Variants in PZP observed in about 807,000 individuals in gnomAD.
The protein encoded by PZP is PZP alpha-2-macroglobulin like, also known as pregnancy zone protein.
In PZP, 150 loss-of-function variants were observed where a neutral mutation model predicts 179.8. That is an observed-to-expected ratio of 0.83 (90% confidence interval 0.73 to 0.96). The LOEUF (loss-of-function observed/expected upper bound fraction) is 0.96, where lower values mean the gene tolerates loss of function less well. Among genes scored for constraint, PZP ranks in the 40% least tolerant of loss-of-function variants. The pLI is 0.00. For synonymous variants in PZP, 624 were observed against 652.3 expected (o/e 0.96, Z 0.66); for missense variants, 1,689 against 1,764.0 (o/e 0.96, Z 0.76).
chr12:9,152,920 T>C lies in PZP; in HGVS notation c.4025A>G (p.Lys1342Arg). The change falls in exon 31 of 36, where the codon AAA becomes AGA. Residue 1342 changes from lysine (K) to arginine (R), a missense_variant. By Grantham distance (26) the Lys-to-Arg change is conservative. Transcript: ENST00000261336. ...TSMKYNILPE[K>R]EDSPFALKVQ... ...TTTTAAAGCAAATGGGGAGTCCTCT[T>C]TCTCTGGAAGAATATTGTATTTCAT... The C allele has an allele frequency of 6.2e-7, 1 of 1,614,152 alleles. No homozygotes were observed. The highest frequency in any genetic ancestry group is 8.5e-7 in the Non-Finnish European group (1 of 1,180,004).
At chr12:9,202,281 T>C (rs1363197815) in intron 4 of PZP, 38 bp downstream of exon 4, 10 of 1,547,936 alleles carry the variant, frequency 6.5e-6, no homozygotes, top group Non-Finnish European at 8.9e-6. Context: ...GTATTCCCAC[T>C]CTACCCACAA....
intron 13 of PZP, among the ~76,000 whole-genome samples, chr12:9,183,155 G>A (rs1015303146): frequency 6.6e-6 from 1 of 151,916 alleles, no homozygotes; most frequent in Non-Finnish European, 1.5e-5. Context: ...ATACCCTTAG[G>A]AATATTTTAC....
At position 9,158,356 on chromosome 12, in the gene PZP, C is replaced by T. The variant is rs1318917811; in HGVS notation, c.3294+64G>A. 3 of 1,579,208 alleles carry T rather than the reference C, an allele frequency of 1.9e-6. No individual in the cohort carries two copies. In the African/African-American group the frequency reaches 4.0e-5, roughly 21 times the overall value. On this transcript the variant is annotated intron_variant, in intron 26 of 35. Coordinates refer to ENST00000261336, the MANE Select transcript of PZP (RefSeq NM_002864.3). The stretch of plus-strand genomic sequence containing the variant: ...GCAATTTCCTTGTGCCTCCTTCCTC[C>T]CTTCACCCCTGGGGGATGTTATGTT...
At chr12:9,165,486 G>A (rs1476144521) in intron 18 of PZP, 119 bp from the exon 19 acceptor site, 5 of 1,076,710 alleles carry the variant, frequency 4.6e-6, no homozygotes, top group African/African-American at 3.2e-5. Flanking sequence ...GTATATGCGA[G>A]TGTGCATTCG....
intron 15 of PZP, chr12:9,169,840 T>A (rs1234336154): frequency 3.0e-6 from 1 of 337,684 alleles, no homozygotes; most frequent in Non-Finnish European, 5.3e-6. Context: ...TAATTAAAAC[T>A]TCATTGTAGA....
the PZP span, among the ~76,000 whole-genome samples, chr12:9,138,462 A>AT: frequency 1.4e-4 from 20 of 147,816 alleles, no homozygotes; most frequent in Middle Eastern, 3.5e-3. Flanking sequence ...TTGGCCTGTC[A>AT]TTTTTTTTTT....
At chr12:9,161,773 T>C (rs1941219294) in intron 22 of PZP, among the ~76,000 whole-genome samples, 1 of 152,218 alleles carries the variant, frequency 6.6e-6, no homozygotes, top group Admixed American at 6.5e-5. Context: ...GGCGGTTCTG[T>C]ATAAAAGCTA....
the PZP span, among the ~76,000 whole-genome samples, chr12:9,143,613 C>A: frequency 6.6e-6 from 1 of 152,068 alleles, no homozygotes; most frequent in Non-Finnish European, 1.5e-5. Flanking sequence ...AATATTCAGG[C>A]AAGAACCTCC....
the PZP span, among the ~76,000 whole-genome samples, chr12:9,143,451 T>TCAAAA: frequency 1.3e-5 from 2 of 152,016 alleles, no homozygotes; most frequent in African/African-American, 4.8e-5. Context: ...GGCATTCATC[T>TCAAAA]GTAGGGTCAA....
rs11398106 is a variant in PZP, at chr12:9,195,611, ATT to A, written c.1092+717_1092+718del. ...GGTGCACGCCACCAGCCCACTGCTA[ATT>A]TTTTTTTTTTTTTTTTTTTTTGCAG... On this transcript the variant is annotated intron_variant, in intron 10 of 35. Transcript: ENST00000261336. Among the ~76,000 whole-genome samples, 317 of 104,216 alleles carry A rather than the reference ATT, an allele frequency of 3.0e-3. 1 individual carries two copies. Among genetic ancestry groups the A allele is most frequent in the African/African-American group, 0.011 (296 of 27,462 alleles). The allele number at this position is 104,216 out of a possible 152,430, so 68.4% of individuals were successfully genotyped here.
intron 22 of PZP, chr12:9,162,344 C>T: frequency 2.5e-6 from 1 of 395,828 alleles, no homozygotes; most frequent in Non-Finnish European, 4.5e-6. Flanking sequence ...CTGGGCTATC[C>T]AGGTAAAAGG....
At chr12:9,160,916 A>G in intron 23 of PZP, 117 bp downstream of exon 23, 2 of 882,442 alleles carry the variant, frequency 2.3e-6, no homozygotes, top group South Asian at 1.5e-5. Context: ...CTCCATCTCA[A>G]AAAAATAAAA....
At position 9,152,210 on chromosome 12, in the gene PZP, A is replaced by T. The variant is rs376496587; in HGVS notation, c.4212+10T>A. 1.3e-6 allele frequency: 2 copies of T among 1,567,746 alleles called. No homozygotes were observed. The highest frequency in any genetic ancestry group is 1.8e-6 in the Non-Finnish European group (2 of 1,137,918). On this transcript the variant is annotated intron_variant, in intron 32 of 35. Coordinates refer to ENST00000261336, the MANE Select transcript of PZP (RefSeq NM_002864.3). ...TTGTATGAAGTCTATTAGGATTAAA[A>T]TACACCTACCATTTTTACTGTTGGT...
intron 15 of PZP, among the ~76,000 whole-genome samples, chr12:9,178,621 G>A (rs2120929423): frequency 6.6e-6 from 1 of 152,314 alleles, no homozygotes; most frequent in African/African-American, 2.4e-5. Context: ...AGAAAATCAT[G>A]CTTGTTTTGC....
intron 5 of PZP, 35 bp from the exon 6 acceptor site, chr12:9,201,095 T>C (rs774688903): frequency 6.2e-7 from 1 of 1,610,388 alleles, no homozygotes; most frequent in Non-Finnish European, 8.5e-7. Flanking sequence ...CGGTAATCAT[T>C]TAGTCACAAT....
rs187441248 is a variant in PZP at position 9,206,824 on chromosome 12, G to A, written c.83+1435C>T. 1.7e-3 allele frequency among the ~76,000 whole-genome samples: 261 copies of A among 152,228 alleles called. 2 individuals are homozygous for A. The highest frequency in any genetic ancestry group is 1.5e-3 in the Non-Finnish European group (103 of 68,010). On this transcript the variant is annotated intron_variant, in intron 1 of 35. Coordinates refer to ENST00000261336, the MANE Select transcript of PZP (RefSeq NM_002864.3). The stretch of plus-strand genomic sequence containing the variant: ...AAAGGATGGTTTCAATGGCAGCATG[G>A]TCCAATGTAGTGTAGGAATGCATCC...
rs1303016263 is a variant in PZP at position 9,200,440 on chromosome 12, T to G, written c.679A>C (p.Lys227Gln). Reference sequence around the variant, plus strand: ...GGCACCTGAACTTTGACCTCAAACTTGGGAAGCACTGTTAATAGAGATAAT... The same window carrying G: ...GGCACCTGAACTTTGACCTCAAACTGGGGAAGCACTGTTAATAGAGATAAT... ...PFTVEEFVLP[K>Q]FEVKVQVPKI... The change falls in exon 7 of 36, where the codon AAG (lysine) becomes CAG (glutamine). Residue 227 changes from lysine (K) to glutamine (Q), a missense_variant. By Grantham distance (53) the Lys-to-Gln change is moderately conservative. This residue lies in a region of PZP where 742 missense variants were observed against 730.5 expected (regional missense o/e 1.02). Coordinates refer to ENST00000261336, the MANE Select transcript of PZP (RefSeq NM_002864.3). 1.9e-6 allele frequency: 3 copies of G among 1,605,528 alleles called. No individual in the cohort carries two copies. The highest frequency in any genetic ancestry group is 2.7e-5 in the African/African-American group (2 of 74,702).
intron 11 of PZP, among the ~76,000 whole-genome samples, chr12:9,193,465 G>A (rs1466671844): frequency 6.6e-6 from 1 of 152,166 alleles, no homozygotes; most frequent in African/African-American, 2.4e-5. Context: ...ATTTTAAAGT[G>A]TAGGGACACT....
chr12:9,175,423 T>C (rs779238074), intron 15 of PZP, among the ~76,000 whole-genome samples: 2 of 152,050 alleles, frequency 1.3e-5, no homozygotes, highest in East Asian at 3.9e-4. Context: ...ATGATGAAAA[T>C]GCCAAAAGCA....
Sources: allele counts gnomAD v4.1 joint callset (sites outside exome capture counted in the v4.1 genomes callset), GRCh38; gene constraint gnomAD v4.1.1; regional missense constraint gnomAD v4.1.1; transcripts MANE v1.5; gene names NCBI Gene and HGNC (gene_info 2026-07-23, HGNC 2026-07-21).